The following ADNP variants were observed in gnomAD, a reference collection of about 807,000 sequenced individuals.
ADNP encodes activity-dependent neuroprotector homeobox protein.
ADNP carries 4 observed loss-of-function variants against 84.9 expected under a neutral mutation model. That is an observed-to-expected ratio of 0.05 (90% CI 0.02 to 0.11). The LOEUF (loss-of-function observed/expected upper bound fraction) is 0.11, where lower values mean the gene tolerates loss of function less well. Ranked by LOEUF, ADNP falls within the 10% of genes least tolerant of loss-of-function variation. ADNP has a pLI of 1.00. For missense variants in ADNP, 1,132 were observed against 1,326.0 expected (o/e 0.85, Z 2.27); for synonymous variants, 554 against 468.1 (o/e 1.18, Z -2.37).
chr20:50,929,224 T>C (rs575940909), intron 1 of ADNP, among the ~76,000 whole-genome samples: 45 of 152,310 alleles, frequency 3.0e-4, no homozygotes, highest in Admixed American at 2.6e-3. Flanking sequence ...AGGAAAGATA[T>C]GGTGACACAT....
At position 50,892,582 on chromosome 20, in the gene ADNP, C is replaced by A. The variant is rs769588143; in HGVS notation, c.2132G>T (p.Ser711Ile). Residue 711 changes from serine to isoleucine, a missense_variant, in exon 6 of 6, where the codon AGT (serine) becomes ATT (isoleucine). Coordinates refer to ENST00000621696, the MANE Select transcript of ADNP (RefSeq NM_001282531.3). ...NAPSRLNQSP[S>I]LAPVKRTYEQ... is the part of the protein sequence containing the mutation. ...GTAAGTGCGCTTCACAGGTGCCAGACTTGGAGACTGATTAAGCCGAGAGGG... is the reference window on the plus strand; with the variant it reads ...GTAAGTGCGCTTCACAGGTGCCAGAATTGGAGACTGATTAAGCCGAGAGGG... 1.2e-6 allele frequency: 2 copies of A among 1,614,204 alleles called. No individual in the cohort carries two copies. Among genetic ancestry groups the A allele is most frequent in the Non-Finnish European group, 1.7e-6 (2 of 1,180,042 alleles).
intron 5 of ADNP, among the ~76,000 whole-genome samples, chr20:50,897,871 G>A (rs1981578580): frequency 6.6e-6 from 1 of 152,196 alleles, no homozygotes; most frequent in African/African-American, 2.4e-5. Context: ...TATCTATTCA[G>A]GAGGGCATCT....
Position 50,894,097 on chromosome 20 carries a change from T to A in ADNP, c.617A>T (p.Asn206Ile), listed in dbSNP as rs896644982. ...YIAKAGEKSL[N>I]GAVPLGSNAR... is the part of the protein sequence containing the mutation. ...ATTCGAGCCTAAGGGGACTGCCCCA[T>A]TGAGTGATTTTTCTCCTGCCTTTGC... The change falls in exon 6 of 6, where the codon AAT (asparagine) becomes ATT (isoleucine). Residue 206 changes from asparagine (N) to isoleucine (I), a missense_variant. Physicochemically the swap from Asn to Ile is moderately radical, Grantham distance 149. This residue lies in a region of ADNP where 130 missense variants were observed against 183.7 expected (regional missense o/e 0.71). Transcript: ENST00000621696. 1 of 1,614,022 alleles carries A rather than the reference T, an allele frequency of 6.2e-7. No homozygotes were observed. Among genetic ancestry groups the A allele is most frequent in the Non-Finnish European group, 8.5e-7 (1 of 1,180,010 alleles).
rs149024089 is a variant in ADNP at position 50,892,906 on chromosome 20, A to G, written c.1808T>C (p.Ile603Thr). The change falls in exon 6 of 6, where the codon ATC (isoleucine) becomes ACC (threonine). Residue 603 changes from isoleucine (I) to threonine (T), a missense_variant. Ile to Thr is a moderately conservative substitution (Grantham distance 89). Coordinates refer to ENST00000621696, the MANE Select transcript of ADNP (RefSeq NM_001282531.3). ...PQPKVQEKAD[I>T]PVKSSPQAAV... ...AGCTTGAGGTGAACTTTTTACAGGGATATCTGCCTTTTCCTGAACCTTTGG... is the reference window on the plus strand; with the variant it reads ...AGCTTGAGGTGAACTTTTTACAGGGGTATCTGCCTTTTCCTGAACCTTTGG... 7.4e-6 allele frequency: 12 copies of G among 1,614,106 alleles called. No individual in the cohort carries two copies. Among genetic ancestry groups the G allele is most frequent in the Admixed American group, 1.7e-5 (1 of 60,012 alleles).
At chr20:50,908,863 G>A (rs1982755201) in intron 2 of ADNP, among the ~76,000 whole-genome samples, 1 of 152,112 alleles carries the variant, frequency 6.6e-6, no homozygotes, top group Non-Finnish European at 1.5e-5. Context: ...GGTGGGAACA[G>A]AATAGATAAG....
chr20:50,898,134 G>C (rs114618303), intron 5 of ADNP, among the ~76,000 whole-genome samples: 4,624 of 152,206 alleles, frequency 0.03, 248 homozygotes, highest in African/African-American at 0.11. Context: ...GAATAGAAAG[G>C]TTTCATCCAT....
rs142605027 is a variant in ADNP at position 50,908,147 on chromosome 20, G to GTT, written c.-89-3300_-89-3299dup. Among the ~76,000 whole-genome samples, 788 of 105,880 alleles carry GTT rather than the reference G, an allele frequency of 7.4e-3. 12 individuals carry two copies. Among genetic ancestry groups the GTT allele is most frequent in the South Asian group, 0.01 (30 of 2,922 alleles). The allele number at this position is 105,880 out of a possible 152,430, so 69.5% of individuals were successfully genotyped here. On this transcript the variant is annotated intron_variant, in intron 2 of 5. Transcript: ENST00000621696. ...CAAAAGCATTTGCAAAGATTTTTCTGTTTTTTTTTTTTTTTTTTTTGCTTT... is the reference window on the plus strand; with the variant it reads ...CAAAAGCATTTGCAAAGATTTTTCTGTTTTTTTTTTTTTTTTTTTTTTGCTTT...
intron 2 of ADNP, among the ~76,000 whole-genome samples, chr20:50,912,625 C>T (rs191410793): frequency 1.3e-5 from 2 of 152,190 alleles, no homozygotes; most frequent in African/African-American, 4.8e-5. Context: ...CAAATTTATG[C>T]AAAAGTGGCA....
At chr20:50,900,077 A>G (rs529217523) in intron 5 of ADNP, among the ~76,000 whole-genome samples, 1 of 152,286 alleles carries the variant, frequency 6.6e-6, no homozygotes, top group African/African-American at 2.4e-5. Context: ...GTGATGTACA[A>G]TAATGTCCCT....
Position 50,890,131 on chromosome 20 carries a change from TAAAAAAAAAAA to T in ADNP, c.*1263_*1273del, listed in dbSNP as rs150489825. 3.2e-4 allele frequency: 26 copies of T among 81,212 alleles called. No homozygotes were observed. The highest frequency in any genetic ancestry group is 6.2e-4 in the South Asian group (1 of 1,612). The allele number at this position is 81,212 out of a possible 1,614,324, so 5.0% of individuals were successfully genotyped here. A position where few individuals can be genotyped will look rare whatever the true frequency, so the allele number is the denominator to read the frequency against. ...AACTCAAGGGTGTTTGTTTTTCAGT[TAAAAAAAAAAA>T]AAAAAAAAAAAAAAAAAAAGAAAAA... On this transcript the variant is annotated 3_prime_UTR_variant, in exon 6 of 6. Coordinates refer to ENST00000621696, the MANE Select transcript of ADNP (RefSeq NM_001282531.3).
chr20:50,889,913 T>C lies in ADNP; in HGVS notation c.*1492A>G. On this transcript the variant is annotated 3_prime_UTR_variant, in exon 6 of 6. Transcript: ENST00000621696. ...CAAATAGAGGCAGAGCCGCCTGCAC[T>C]ACAGTTGTTCCCATCGTAAGGTGAA... The C allele has an allele frequency of 2.5e-6, 1 of 398,534 alleles. No individual in the cohort carries two copies. Among genetic ancestry groups the C allele is most frequent in the Non-Finnish European group, 4.4e-6 (1 of 226,052 alleles). 24.7% of individuals were successfully genotyped at this position (398,534 alleles called of 1,614,324 possible).
chr20:50,906,452 T>G (rs188983238), intron 2 of ADNP, among the ~76,000 whole-genome samples: 1 of 152,232 alleles, frequency 6.6e-6, no homozygotes, highest in Non-Finnish European at 1.5e-5. Flanking sequence ...GAGTTAACTC[T>G]GCTTCACACT....
intron 5 of ADNP, among the ~76,000 whole-genome samples, chr20:50,900,150 ATT>A (rs1157579430): frequency 6.6e-6 from 1 of 152,108 alleles, no homozygotes; most frequent in Non-Finnish European, 1.5e-5. Context: ...AGGTGTACCA[ATT>A]TTTCTTTTAT....
intron 2 of ADNP, among the ~76,000 whole-genome samples, chr20:50,918,945 C>A (rs769332511): frequency 1.6e-4 from 24 of 152,048 alleles, no homozygotes; most frequent in Non-Finnish European, 3.2e-4. Flanking sequence ...ACATTACCTA[C>A]CAATTATACA....
At position 50,931,262 on chromosome 20, in the gene ADNP, G is replaced by GGT; in HGVS notation, c.-702_-701insAC. 1 of 104,192 alleles carries GGT rather than the reference G, an allele frequency of 9.6e-6. No individual in the cohort carries two copies. Among genetic ancestry groups the GGT allele is most frequent in the Non-Finnish European group, 2.1e-5 (1 of 48,670 alleles). The allele number at this position is 104,192 out of a possible 1,614,324, so 6.5% of individuals were successfully genotyped here. A position where few individuals can be genotyped will look rare whatever the true frequency, so the allele number is the denominator to read the frequency against. On this transcript the variant is annotated 5_prime_UTR_variant, in exon 1 of 6. Transcript: ENST00000621696. The stretch of plus-strand genomic sequence containing the variant: ...AGATGGCGGCGGCCGGGGGGGGGGG[G>GGT]GCGGGAGTTCAGCTCATGGATCCCG...
chr20:50,905,857 T>C (rs1340014977), intron 2 of ADNP, among the ~76,000 whole-genome samples: 1 of 152,230 alleles, frequency 6.6e-6, no homozygotes, highest in Non-Finnish European at 1.5e-5. Flanking sequence ...GCTAAATTGT[T>C]TTAAACCATC....
At chr20:50,900,035 T>C (rs1981810744) in intron 5 of ADNP, among the ~76,000 whole-genome samples, 1 of 152,180 alleles carries the variant, frequency 6.6e-6, no homozygotes, top group South Asian at 2.1e-4. Context: ...TTTTACTTTT[T>C]ATGTAGCCTA....
intron 2 of ADNP, among the ~76,000 whole-genome samples, chr20:50,912,321 T>A (rs547727677): frequency 7.9e-4 from 121 of 152,228 alleles, no homozygotes; most frequent in Middle Eastern, 6.8e-3. Context: ...TAATTTTTTT[T>A]ATATTTTTAG....
At chr20:50,921,814 G>C (rs77301835) in intron 2 of ADNP, among the ~76,000 whole-genome samples, 118 of 152,332 alleles carry the variant, frequency 7.7e-4, no homozygotes, top group Non-Finnish European at 1.4e-3. Context: ...ATTTGAAAGC[G>C]GGGGAAGATG....
Sources: allele counts gnomAD v4.1 joint callset (sites outside exome capture counted in the v4.1 genomes callset), GRCh38; gene constraint gnomAD v4.1.1; regional missense constraint gnomAD v4.1.1; transcripts MANE v1.5; gene names NCBI Gene and HGNC (gene_info 2026-07-23, HGNC 2026-07-21).